The following GADL1 variants were observed in gnomAD, a reference collection of about 807,000 sequenced individuals.
GADL1 encodes acidic amino acid decarboxylase GADL1.
Under a neutral mutation model 69.5 loss-of-function variants are expected in GADL1, and 71 were observed. The observed-to-expected ratio is 1.02, with a 90% CI of 0.84 to 1.25. The LOEUF is 1.25. Among genes scored for constraint, GADL1 ranks in the 50% most tolerant of loss-of-function variants. The pLI, the probability that GADL1 is intolerant of heterozygous loss-of-function variation, is 0.00. For synonymous variants in GADL1, 254 were observed against 214.4 expected (o/e 1.18, Z -1.62); for missense variants, 737 against 631.8 (o/e 1.17, Z -1.79).
At chr3:30,819,401 G>A (rs1697532815) in intron 11 of GADL1, among the ~76,000 whole-genome samples, 1 of 152,044 alleles carries the variant, frequency 6.6e-6, no homozygotes, top group African/African-American at 2.4e-5. Flanking sequence ...TGATCATTGA[G>A]TACAATAAAA....
rs1271925289 is a variant in GADL1 at position 30,807,483 on chromosome 3, C to A, written c.1051-6395G>T. On this transcript the variant is annotated intron_variant, in intron 11 of 14. Transcript: ENST00000282538. The stretch of plus-strand genomic sequence containing the variant: ...AATGGATCCTGACTTAATTAAGCTC[C>A]CATACTTGATGTCCTTGGTAGATGC... Among the ~76,000 whole-genome samples, 2 of 152,150 alleles carry A rather than the reference C, an allele frequency of 1.3e-5. 1 individual carries two copies. The highest frequency in any genetic ancestry group is 2.9e-5 in the Non-Finnish European group (2 of 68,028).
chr3:30,836,487 C>G (rs1008891956), intron 9 of GADL1, among the ~76,000 whole-genome samples: 1 of 151,840 alleles, frequency 6.6e-6, no homozygotes, highest in Non-Finnish European at 1.5e-5. Context: ...ATTATCAAAC[C>G]TATCACCTAA....
Position 30,833,939 on chromosome 3 carries a change from T to C in GADL1, c.969-5A>G. On this transcript the variant is annotated splice_region_variant and splice_polypyrimidine_tract_variant and intron_variant, in intron 10 of 14. Coordinates refer to ENST00000282538, the MANE Select transcript of GADL1 (RefSeq NM_207359.3). The stretch of plus-strand genomic sequence containing the variant: ...TTCCAGGCCACAGAGTCAGCCCTAT[T>C]GTTTAAACAAAGGGACAGAGTAGGG... 6.2e-7 allele frequency: 1 copy of C among 1,608,370 alleles called. No homozygotes were observed. Among genetic ancestry groups the C allele is most frequent in the Non-Finnish European group, 8.5e-7 (1 of 1,175,692 alleles).
intron 14 of GADL1, among the ~76,000 whole-genome samples, chr3:30,757,408 G>GC (rs1426768080): frequency 2.0e-5 from 3 of 152,154 alleles, no homozygotes; most frequent in Admixed American, 6.6e-5. Flanking sequence ...AAGCATAAAT[G>GC]CTTAGGACAA....
At position 30,831,291 on chromosome 3, in the gene GADL1, G is replaced by A. The variant is rs147067063; in HGVS notation, c.1050+2562C>T. ...ATTCTCTATGCCTCAGCCAAAATAC[G>A]CTTTTTTCAGTTTCTAAAATAATTT... On this transcript the variant is annotated intron_variant, in intron 11 of 14. Transcript: ENST00000282538. 2.1e-3 allele frequency among the ~76,000 whole-genome samples: 315 copies of A among 151,846 alleles called. 1 individual carries two copies. The highest frequency in any genetic ancestry group is 7.0e-3 in the African/African-American group (292 of 41,466).
rs376677443 is a variant in GADL1, at chr3:30,779,510, TAC to T, written c.1303-1244_1303-1243del. On this transcript the variant is annotated intron_variant, in intron 13 of 14. Transcript: ENST00000282538. ...AATTTTCACAAACATCTATTGAGACTACAGTCATTCTTACAAATCTACACAAT... is the reference window on the plus strand; with the variant it reads ...AATTTTCACAAACATCTATTGAGACTAGTCATTCTTACAAATCTACACAAT... Among the ~76,000 whole-genome samples, 41 of 152,028 alleles carry T rather than the reference TAC, an allele frequency of 2.7e-4. 2 individuals carry two copies. In the East Asian group the frequency reaches 6.8e-3, roughly 25 times the overall value.
chr3:30,874,600 G>A (rs1698550619), intron 1 of GADL1, among the ~76,000 whole-genome samples: 2 of 151,928 alleles, frequency 1.3e-5, no homozygotes, highest in South Asian at 4.1e-4. Flanking sequence ...CTTGAAGCCT[G>A]TGTAACCCCT....
At position 30,801,015 on chromosome 3, in the gene GADL1, T is replaced by C. The variant is rs201169598; in HGVS notation, c.1124A>G (p.Tyr375Cys). The change falls in exon 12 of 15, where the codon TAT becomes TGT. Residue 375 changes from tyrosine (Y) to cysteine (C), a missense_variant. Physicochemically the swap from Tyr to Cys is radical, Grantham distance 194 (BLOSUM62 -2). Transcript: ENST00000282538. ...FQQDKFYDVSYDTGDKSIQCS... is the reference protein window; with the variant it reads ...FQQDKFYDVSCDTGDKSIQCS... ...CTGGATAGACTTGTCTCCTGTGTCA[T>C]AGCTCACATCATAGAATTTATCCTG... 5.0e-6 allele frequency: 8 copies of C among 1,613,982 alleles called. No individual in the cohort carries two copies. Among genetic ancestry groups the C allele is most frequent in the African/African-American group, 2.7e-5 (2 of 75,034 alleles).
At chr3:30,737,655 G>A (rs140644539) in intron 14 of GADL1, among the ~76,000 whole-genome samples, 178 of 152,100 alleles carry the variant, frequency 1.2e-3, no homozygotes, top group African/African-American at 4.1e-3. Flanking sequence ...TGTAAAATTG[G>A]TGGTCTATAG....
intron 13 of GADL1, among the ~76,000 whole-genome samples, chr3:30,780,755 T>C (rs9310944): frequency 0.2 from 31,173 of 152,186 alleles, 7,196 homozygotes; most frequent in African/African-American, 0.55. Context: ...TAGAATGGAA[T>C]GGCTTCAGTG....
At chr3:30,732,947 C>G (rs1695482660) in intron 14 of GADL1, among the ~76,000 whole-genome samples, 1 of 152,018 alleles carries the variant, frequency 6.6e-6, no homozygotes, top group South Asian at 2.1e-4. Context: ...ATCCCAACTA[C>G]TAGGGAGGCT....
At chr3:30,835,202 C>T (rs372525283) in intron 9 of GADL1, among the ~76,000 whole-genome samples, 1 of 152,024 alleles carries the variant, frequency 6.6e-6, no homozygotes, top group Non-Finnish European at 1.5e-5. Flanking sequence ...GCCCATTCTC[C>T]TGTCATGTTA....
intron 14 of GADL1, among the ~76,000 whole-genome samples, chr3:30,742,307 T>A (rs1003827498): frequency 6.6e-6 from 1 of 152,000 alleles, no homozygotes; most frequent in African/African-American, 2.4e-5. Flanking sequence ...CTTAAACTTT[T>A]ATAGTTTTCT....
At chr3:30,877,631 A>G (rs1698594886) in intron 1 of GADL1, among the ~76,000 whole-genome samples, 1 of 151,900 alleles carries the variant, frequency 6.6e-6, no homozygotes, top group South Asian at 2.1e-4. Flanking sequence ...ATACCAACTA[A>G]GTCTCTATTG....
chr3:30,785,791 T>TATAG (rs1696776025), intron 13 of GADL1, among the ~76,000 whole-genome samples: 1 of 151,278 alleles, frequency 6.6e-6, no homozygotes, highest in African/African-American at 2.5e-5. Flanking sequence ...AGTTTGCAAT[T>TATAG]TATATTTCTT....
chr3:30,765,761 ACCTTCATCTCCCCT>A (rs1361066003), intron 14 of GADL1, among the ~76,000 whole-genome samples: 11 of 152,284 alleles, frequency 7.2e-5, no homozygotes, highest in African/African-American at 2.4e-4. Flanking sequence ...CATTGTCCCC[ACCTTCATCTCCCCT>A]GCAATCTACT....
chr3:30,844,609 T>C (rs980567879), intron 6 of GADL1, 143 bp from the exon 7 acceptor site: 2 of 636,912 alleles, frequency 3.1e-6, no homozygotes, highest in Non-Finnish European at 5.6e-6. Flanking sequence ...TTAATTGAGC[T>C]CCTTAGCATA....
intron 11 of GADL1, among the ~76,000 whole-genome samples, chr3:30,827,787 A>G (rs996773849): frequency 3.9e-5 from 6 of 151,924 alleles, no homozygotes; most frequent in African/African-American, 1.4e-4. Context: ...TTGATTTCTC[A>G]ACTTTGCCAA....
intron 13 of GADL1, 129 bp downstream of exon 13, chr3:30,786,226 G>T: frequency 1.5e-6 from 1 of 682,764 alleles, no homozygotes; most frequent in South Asian, 1.6e-5. Context: ...AATAGACTAT[G>T]AATTAAGCTA....
Sources: allele counts gnomAD v4.1 joint callset (sites outside exome capture counted in the v4.1 genomes callset), GRCh38; gene constraint gnomAD v4.1.1; transcripts MANE v1.5; gene names NCBI Gene and HGNC (gene_info 2026-07-23, HGNC 2026-07-21).